Variants in PCDHGB6 observed in about 807,000 individuals in gnomAD.
The protein encoded by PCDHGB6 is protocadherin gamma subfamily B, 6, also known as protocadherin gamma-B6.
Under a neutral mutation model 59.1 loss-of-function variants are expected in PCDHGB6, and 51 were observed. That is an observed-to-expected ratio of 0.86 (90% confidence interval 0.69 to 1.09). The LOEUF (loss-of-function observed/expected upper bound fraction) is 1.09, where lower values mean the gene tolerates loss of function less well. Ranked by LOEUF, PCDHGB6 falls within the 50% of genes least tolerant of loss-of-function variation. PCDHGB6 has a pLI of 0.00. For synonymous variants in PCDHGB6, 466 were observed against 495.1 expected (o/e 0.94, Z 0.78); for missense variants, 1,148 against 1,205.1 (o/e 0.95, Z 0.70).
In PCDHGB6 at chr5:141,428,115, G is replaced by T. The variant is rs753384738; in HGVS notation, c.2418+17495G>T. 5 of 1,607,062 alleles carry T rather than the reference G, an allele frequency of 3.1e-6. No homozygotes were observed. In the South Asian group the frequency reaches 5.5e-5, roughly 18 times the overall value. On this transcript the variant is annotated intron_variant, in intron 1 of 3. Coordinates refer to ENST00000520790, the MANE Select transcript of PCDHGB6 (RefSeq NM_018926.3). ...GTCCTACCACGTGCTGCAGGCCATC[G>T]AGCCCGGGCTTTTCAGCCTGGGGCT...
intron 1 of PCDHGB6, among the ~76,000 whole-genome samples, chr5:141,474,136 G>A (rs1383142266): frequency 1.3e-5 from 2 of 152,056 alleles, no homozygotes; most frequent in East Asian, 3.8e-4. Context: ...AAAACTACAG[G>A]CCTTATTATC....
chr5:141,507,495 G>T (rs375483743), intron 3 of PCDHGB6, among the ~76,000 whole-genome samples: 2 of 152,234 alleles, frequency 1.3e-5, no homozygotes, highest in Non-Finnish European at 2.9e-5. Context: ...AGGCAGAGCT[G>T]TCCCAGGTCT....
intron 1 of PCDHGB6, chr5:141,422,554 G>A (rs753985751): frequency 1.2e-5 from 19 of 1,613,870 alleles, no homozygotes; most frequent in Non-Finnish European, 1.6e-5. Flanking sequence ...CTGGCTGAAT[G>A]TGGCAGATGA....
chr5:141,412,219 C>T (rs549742411), intron 1 of PCDHGB6: 1 of 152,334 alleles, frequency 6.6e-6, no homozygotes, highest in African/African-American at 2.4e-5. Context: ...TAAACACTTA[C>T]TTGTTAAAAA....
Position 141,491,529 on chromosome 5 carries a change from G to T in PCDHGB6, c.2419-3278G>T, listed in dbSNP as rs1157770121. ...GCACGCTCAAGTACATGGAGGTGAC[G>T]CTGCGGCCCACAGACTCGCAGAGCC... On this transcript the variant is annotated intron_variant, in intron 1 of 3. Transcript: ENST00000520790. This position sits in a 1 kb window ranked among gnomAD's most constrained non-coding sequence, Gnocchi z 6.9. The T allele has an allele frequency of 6.2e-7, 1 of 1,614,040 alleles. No individual in the cohort carries two copies. The highest frequency in any genetic ancestry group is 1.1e-5 in the South Asian group (1 of 91,080).
At chr5:141,421,678 G>T in intron 1 of PCDHGB6, 3 of 1,613,892 alleles carry the variant, frequency 1.9e-6, no homozygotes, top group Non-Finnish European at 2.5e-6. Context: ...AATTCCTGGG[G>T]CGCGATTTGC....
At chr5:141,434,489 C>T (rs921000136) in intron 1 of PCDHGB6, among the ~76,000 whole-genome samples, 4 of 152,158 alleles carry the variant, frequency 2.6e-5, no homozygotes, top group Non-Finnish European at 4.4e-5. Flanking sequence ...ACACCTGGCC[C>T]GCCCAGGGCA....
intron 1 of PCDHGB6, among the ~76,000 whole-genome samples, chr5:141,446,545 C>T (rs903831454): frequency 4.6e-5 from 7 of 151,914 alleles, no homozygotes; most frequent in African/African-American, 1.7e-4. Context: ...GGCCCTATCT[C>T]TGCTCACTGC....
intron 1 of PCDHGB6, chr5:141,427,619 C>T: frequency 1.4e-6 from 1 of 696,342 alleles, no homozygotes; most frequent in Non-Finnish European, 2.6e-6. Context: ...AAGTCAACGA[C>T]AATGCTCCGG....
intron 1 of PCDHGB6, chr5:141,440,160 G>A (rs568136682): frequency 6.6e-6 from 1 of 152,324 alleles, no homozygotes; most frequent in East Asian, 1.9e-4. Flanking sequence ...ATTATAGCTT[G>A]GGCCATAACG....
intron 1 of PCDHGB6, among the ~76,000 whole-genome samples, chr5:141,451,410 G>T (rs1201545799): frequency 6.6e-6 from 1 of 152,190 alleles, no homozygotes; most frequent in East Asian, 1.9e-4. Context: ...TAAGTTCCTT[G>T]TGGATTGTTA....
chr5:141,489,800 A>G lies in PCDHGB6; in HGVS notation c.2419-5007A>G. 6.2e-7 allele frequency: 1 copy of G among 1,614,166 alleles called. No homozygotes were observed. Among genetic ancestry groups the G allele is most frequent in the Non-Finnish European group, 8.5e-7 (1 of 1,179,994 alleles). On this transcript the variant is annotated intron_variant, in intron 1 of 3. Coordinates refer to ENST00000520790, the MANE Select transcript of PCDHGB6 (RefSeq NM_018926.3). This position sits in a 1 kb window ranked among gnomAD's most constrained non-coding sequence, Gnocchi z 4.5. ...TCTCTGAATGTGAAGACCCTAAAAG[A>G]TGGGAAGCCATTCCCAGAGCTGGTG...
At position 141,447,140 on chromosome 5, in the gene PCDHGB6, T is replaced by C. The variant is rs770212881; in HGVS notation, c.2418+36520T>C. ...ATGGATTTTTTTGTTTGTTTGTTTT[T>C]TGTTTTTGTTTTTGTTTAAGCGGGG... On this transcript the variant is annotated intron_variant, in intron 1 of 3. Coordinates refer to ENST00000520790, the MANE Select transcript of PCDHGB6 (RefSeq NM_018926.3). Among the ~76,000 whole-genome samples the C allele has an allele frequency of 6.6e-5, 10 of 152,158 alleles. 1 individual carries two copies. Among genetic ancestry groups the C allele is most frequent in the Non-Finnish European group, 1.2e-4 (8 of 68,042 alleles).
At chr5:141,414,489 G>C (rs754325517) in intron 1 of PCDHGB6, 2 of 1,613,872 alleles carry the variant, frequency 1.2e-6, no homozygotes, top group South Asian at 2.2e-5. Context: ...CTCTATCAAC[G>C]GAAGCTCACT....
Position 141,512,089 on chromosome 5 carries a change from T to C in PCDHGB6, c.*916T>C, listed in dbSNP as rs1292597067. 6.6e-6 allele frequency: 1 copy of C among 152,606 alleles called. No individual in the cohort carries two copies. Among genetic ancestry groups the C allele is most frequent in the Non-Finnish European group, 1.5e-5 (1 of 68,068 alleles). 9.5% of individuals were successfully genotyped at this position (152,606 alleles called of 1,614,324 possible). A position where few individuals can be genotyped will look rare whatever the true frequency, so the allele number is the denominator to read the frequency against. ...CCTCCAGATTCCAGCCATAAACCAA[T>C]AACTAGGCTGGACCCTTCCCACTAC... On this transcript the variant is annotated 3_prime_UTR_variant, in exon 4 of 4. Coordinates refer to ENST00000520790, the MANE Select transcript of PCDHGB6 (RefSeq NM_018926.3).
At chr5:141,505,308 G>A in intron 2 of PCDHGB6, 85 bp from the exon 3 acceptor site, 1 of 1,598,660 alleles carries the variant, frequency 6.3e-7, no homozygotes, top group Non-Finnish European at 8.5e-7. Flanking sequence ...TAGGGTACTA[G>A]GTTTGGGAGC....
At chr5:141,443,392 T>A (rs151260637) in intron 1 of PCDHGB6, among the ~76,000 whole-genome samples, 1 of 151,662 alleles carries the variant, frequency 6.6e-6, no homozygotes, top group Non-Finnish European at 1.5e-5. Context: ...GGCTGAGGTG[T>A]GAGGATCACC....
chr5:141,494,882 C>T lies in PCDHGB6; in HGVS notation c.2477+17C>T, dbSNP rs771484301. On this transcript the variant is annotated intron_variant, in intron 2 of 3. Transcript: ENST00000520790. ...CACCAGCGGGTAGGTGACTGATTCT[C>T]CAGCCCACCCTCTTCTCTGCGGCAT... is the stretch of plus-strand genomic sequence containing the variant. 35 of 1,614,128 alleles carry T rather than the reference C, an allele frequency of 2.2e-5. No homozygotes were observed. The highest frequency in any genetic ancestry group is 3.3e-4 in the Middle Eastern group (2 of 6,060).
intron 1 of PCDHGB6, among the ~76,000 whole-genome samples, chr5:141,438,587 CAT>C (rs1372372472): frequency 3.8e-4 from 28 of 73,432 alleles, no homozygotes; most frequent in African/African-American, 1.4e-3. Flanking sequence ...TACATACATA[CAT>C]ACATATATAT....
Sources: gnomAD v4.1 joint callset for allele counts (sites outside exome capture counted in the v4.1 genomes callset) on GRCh38, gnomAD v4.1.1 for gene constraint, Gnocchi (gnomAD v3.1) non-coding constraint, MANE v1.5 for transcripts, NCBI Gene and HGNC (gene_info 2026-07-23, HGNC 2026-07-21) for gene names.